LINGO2: variants seen among roughly 807,000 people sequenced by gnomAD.
The protein encoded by LINGO2 is leucine rich repeat and Ig domain containing 2.
Under a neutral mutation model 30.6 loss-of-function variants are expected in LINGO2, and 14 were observed. The observed-to-expected ratio is 0.46, with a 90% CI of 0.30 to 0.72. The LOEUF (loss-of-function observed/expected upper bound fraction) is 0.72, where lower values mean the gene tolerates loss of function less well. Ranked by LOEUF, LINGO2 falls within the 30% of genes least tolerant of loss-of-function variation. The pLI is 0.07. For synonymous variants in LINGO2, 317 were observed against 288.5 expected (o/e 1.10, Z -1.00); for missense variants, 729 against 751.7 (o/e 0.97, Z 0.35).
the LINGO2 span, among the ~76,000 whole-genome samples, chr9:29,003,520 A>G: frequency 6.6e-6 from 1 of 152,028 alleles, no homozygotes; most frequent in South Asian, 2.1e-4. Context: ...CACACACAGT[A>G]AAGAAAGAGA....
the LINGO2 span, among the ~76,000 whole-genome samples, chr9:28,850,982 C>T: frequency 6.6e-6 from 1 of 151,968 alleles, no homozygotes; most frequent in Non-Finnish European, 1.5e-5. Flanking sequence ...TTCCAGTAGC[C>T]TCTTTGAATG....
intron 1 of LINGO2, among the ~76,000 whole-genome samples, chr9:28,536,254 A>G (rs1365818382): frequency 2.0e-5 from 3 of 152,066 alleles, no homozygotes; most frequent in African/African-American, 7.2e-5. Flanking sequence ...TTACTTTGTA[A>G]CTATAATTTC....
chr9:27,954,803 T>C (rs770987583), intron 5 of LINGO2, among the ~76,000 whole-genome samples: 3 of 152,222 alleles, frequency 2.0e-5, no homozygotes, highest in Non-Finnish European at 4.4e-5. Flanking sequence ...GTTCTATTTT[T>C]AGTTTTTCTG....
chr9:28,445,560 ATTG>A (rs1824390451), intron 2 of LINGO2, among the ~76,000 whole-genome samples: 1 of 151,936 alleles, frequency 6.6e-6, no homozygotes, highest in African/African-American at 2.4e-5. Context: ...AACATTTAAA[ATTG>A]TTATTTTTTT....
chr9:29,029,245 CT>C, the LINGO2 span, among the ~76,000 whole-genome samples: 2 of 152,202 alleles, frequency 1.3e-5, no homozygotes, highest in African/African-American at 4.8e-5. Context: ...GGTTTAAAAC[CT>C]GCCTGAGTGA....
intron 1 of LINGO2, among the ~76,000 whole-genome samples, chr9:28,555,853 C>A (rs1405538665): frequency 1.3e-5 from 2 of 152,016 alleles, no homozygotes; most frequent in Admixed American, 6.6e-5. Flanking sequence ...ATAAGCAAAT[C>A]AATAAATGTA....
At chr9:28,379,769 T>C (rs1242290233) in intron 2 of LINGO2, among the ~76,000 whole-genome samples, 22 of 152,074 alleles carry the variant, frequency 1.4e-4, no homozygotes, top group Admixed American at 1.4e-3. Flanking sequence ...ATACCACATT[T>C]TATAAGATCC....
chr9:28,913,930 C>T, the LINGO2 span, among the ~76,000 whole-genome samples: 3 of 152,200 alleles, frequency 2.0e-5, no homozygotes, highest in Admixed American at 6.5e-5. Flanking sequence ...TAAAATGGTA[C>T]GTATACATGA....
At chr9:28,747,711 A>C in the LINGO2 span, among the ~76,000 whole-genome samples, 1 of 152,136 alleles carries the variant, frequency 6.6e-6, no homozygotes, top group Non-Finnish European at 1.5e-5. Flanking sequence ...GGAGCCAGGG[A>C]ACTCTCCAAT....
chr9:28,294,992 G>A (rs558316263), intron 4 of LINGO2, among the ~76,000 whole-genome samples: 14 of 152,220 alleles, frequency 9.2e-5, no homozygotes, highest in Admixed American at 1.3e-4. Context: ...TGCATTATGT[G>A]TATCTTAAAA....
chr9:29,095,916 A>G, the LINGO2 span, among the ~76,000 whole-genome samples: 1 of 138,564 alleles, frequency 7.2e-6, no homozygotes, highest in Non-Finnish European at 1.6e-5. Flanking sequence ...TGAGGGACAT[A>G]TTGGAGTGAT....
At chr9:28,928,340 A>G in the LINGO2 span, among the ~76,000 whole-genome samples, 5 of 152,288 alleles carry the variant, frequency 3.3e-5, no homozygotes, top group African/African-American at 1.2e-4. Context: ...TAAGTATGTG[A>G]ACTTTAAATT....
chr9:28,090,761 G>C (rs1372806054), intron 4 of LINGO2, among the ~76,000 whole-genome samples: 1 of 152,164 alleles, frequency 6.6e-6, no homozygotes, highest in African/African-American at 2.4e-5. Context: ...ATTAGGAAAA[G>C]AGGAAGTCAA....
the LINGO2 span, among the ~76,000 whole-genome samples, chr9:29,040,715 A>G: frequency 6.6e-6 from 1 of 152,080 alleles, no homozygotes; most frequent in African/African-American, 2.4e-5. Flanking sequence ...TGCATATTTA[A>G]ATTATTAGGA....
chr9:28,535,016 G>A (rs1821371560), intron 1 of LINGO2, among the ~76,000 whole-genome samples: 1 of 151,996 alleles, frequency 6.6e-6, no homozygotes, highest in Non-Finnish European at 1.5e-5. Context: ...TGTATTTAAA[G>A]CTTTAACAAT....
chr9:28,820,879 C>T, the LINGO2 span, among the ~76,000 whole-genome samples: 3 of 152,122 alleles, frequency 2.0e-5, no homozygotes, highest in South Asian at 4.1e-4. Context: ...ACAGGCTTGC[C>T]AGGAGGGGCA....
chr9:28,206,149 A>G (rs1448101433), intron 4 of LINGO2, among the ~76,000 whole-genome samples: 1 of 129,798 alleles, frequency 7.7e-6, no homozygotes, highest in Non-Finnish European at 1.6e-5. Context: ...TGAGTGACAG[A>G]GTGAGACCCT....
At position 28,297,921 on chromosome 9, in the gene LINGO2, A is replaced by G. The variant is rs76022467; in HGVS notation, c.-245-2555T>C. Among the ~76,000 whole-genome samples the G allele has an allele frequency of 8.1e-3, 1,234 of 152,306 alleles. 19 individuals carry two copies. Among genetic ancestry groups the G allele is most frequent in the African/African-American group, 0.028 (1,153 of 41,566 alleles). On this transcript the variant is annotated intron_variant, in intron 3 of 5. Coordinates refer to ENST00000379992, the Ensembl canonical transcript of LINGO2. ...AACAGACTTTTGTGTGTGCGGGGGT[A>G]GGGGAAGATGCTATTGTATAAGTTG...
At chr9:28,962,553 G>T in the LINGO2 span, among the ~76,000 whole-genome samples, 1 of 151,708 alleles carries the variant, frequency 6.6e-6, no homozygotes, top group African/African-American at 2.4e-5. Flanking sequence ...TAATGTACTG[G>T]TACATAGCTA....
Sources: gnomAD v4.1 joint callset for allele counts (sites outside exome capture counted in the v4.1 genomes callset) on GRCh38, gnomAD v4.1.1 for gene constraint, MANE v1.5 for transcripts, NCBI Gene and HGNC (gene_info 2026-07-23, HGNC 2026-07-21) for gene names.